The following CNTNAP2 variants were observed in gnomAD, a reference collection of about 807,000 sequenced individuals.
CNTNAP2 encodes contactin-associated protein-like 2.
In CNTNAP2, 98 loss-of-function variants were observed where a neutral mutation model predicts 155.2. The observed-to-expected ratio is 0.63, with a 90% CI of 0.54 to 0.75. The LOEUF (loss-of-function observed/expected upper bound fraction) is 0.75. Ranked by LOEUF, CNTNAP2 falls within the 30% of genes least tolerant of loss-of-function variation. CNTNAP2 has a pLI of 0.00. For missense variants in CNTNAP2, 1,727 were observed against 1,688.1 expected (o/e 1.02, Z -0.40); for synonymous variants, 651 against 631.2 (o/e 1.03, Z -0.47).
chr7:147,536,410 T>C (rs145198739), intron 11 of CNTNAP2, among the ~76,000 whole-genome samples: 187 of 152,272 alleles, frequency 1.2e-3, no homozygotes, highest in African/African-American at 4.3e-3. Flanking sequence ...CTGTGATAAA[T>C]TTCATGAAGA....
intron 1 of CNTNAP2, among the ~76,000 whole-genome samples, chr7:146,128,575 A>G (rs1197720896): frequency 6.6e-6 from 1 of 152,192 alleles, no homozygotes; most frequent in Non-Finnish European, 1.5e-5. Context: ...TAGATAGCCA[A>G]CTAATACCTT....
intron 21 of CNTNAP2, among the ~76,000 whole-genome samples, chr7:148,375,761 G>A (rs183177702): frequency 1.3e-5 from 2 of 149,868 alleles, no homozygotes; most frequent in South Asian, 2.2e-4. Context: ...TTGGGAGGCC[G>A]AGGCAGGTGG....
chr7:148,024,494 T>C (rs1267178235), intron 15 of CNTNAP2, among the ~76,000 whole-genome samples: 1 of 152,164 alleles, frequency 6.6e-6, no homozygotes, highest in Non-Finnish European at 1.5e-5. Context: ...AATAAAGTGC[T>C]TCAGTCCGCT....
chr7:146,822,963 A>G (rs1803319791), intron 2 of CNTNAP2, among the ~76,000 whole-genome samples: 1 of 68,832 alleles, frequency 1.5e-5, no homozygotes. Context: ...TTACATGGAA[A>G]TATACTCATT....
At chr7:147,490,540 A>T (rs1327147125) in intron 11 of CNTNAP2, among the ~76,000 whole-genome samples, 1 of 152,184 alleles carries the variant, frequency 6.6e-6, no homozygotes, top group African/African-American at 2.4e-5. Flanking sequence ...TTCAAAATAA[A>T]TTGAATTCTA....
At position 147,001,277 on chromosome 7, in the gene CNTNAP2, G is replaced by A. The variant is rs540391388; in HGVS notation, c.403-42630G>A. Among the ~76,000 whole-genome samples, 16 of 152,018 alleles carry A rather than the reference G, an allele frequency of 1.1e-4. No individual in the cohort carries two copies. In the South Asian group the frequency reaches 2.1e-3, roughly 20 times the overall value. On this transcript the variant is annotated intron_variant, in intron 3 of 23. Transcript: ENST00000361727. ...AGTTGTCGAAATTGATGTTTCTTCC[G>A]GTGGGTGATCACTGGAGAGTCTTAA... is the stretch of plus-strand genomic sequence containing the variant.
intron 1 of CNTNAP2, among the ~76,000 whole-genome samples, chr7:146,517,179 T>G (rs1797553654): frequency 6.6e-6 from 1 of 151,984 alleles, no homozygotes; most frequent in Non-Finnish European, 1.5e-5. Flanking sequence ...CTGTTTTCAC[T>G]TGGTAAGCAT....
At chr7:147,966,188 A>G (rs1563151382) in intron 14 of CNTNAP2, among the ~76,000 whole-genome samples, 1 of 152,162 alleles carries the variant, frequency 6.6e-6, no homozygotes, top group Non-Finnish European at 1.5e-5. Flanking sequence ...CATCAAGAAG[A>G]AAAAAAGCAA....
intron 10 of CNTNAP2, among the ~76,000 whole-genome samples, chr7:147,417,569 G>A (rs1008421947): frequency 2.6e-5 from 4 of 152,066 alleles, no homozygotes; most frequent in East Asian, 1.9e-4. Context: ...TTCACCTTTT[G>A]CACATTAGAG....
At chr7:146,189,059 A>C (rs1235167678) in intron 1 of CNTNAP2, among the ~76,000 whole-genome samples, 1 of 152,220 alleles carries the variant, frequency 6.6e-6, no homozygotes, top group Non-Finnish European at 1.5e-5. Context: ...TTTAATCACA[A>C]TACTCAGAAA....
chr7:148,291,269 G>C (rs1797184345), intron 21 of CNTNAP2, among the ~76,000 whole-genome samples: 1 of 147,350 alleles, frequency 6.8e-6, no homozygotes, highest in Non-Finnish European at 1.5e-5. Context: ...GGGTTCTCTA[G>C]AGGGACAGAA....
At chr7:148,164,054 C>A (rs952468682) in intron 17 of CNTNAP2, among the ~76,000 whole-genome samples, 4 of 152,156 alleles carry the variant, frequency 2.6e-5, no homozygotes, top group Non-Finnish European at 4.4e-5. Flanking sequence ...CCTGCCACAG[C>A]CTCCCAACAA....
Position 148,409,967 on chromosome 7 carries a change from C to T in CNTNAP2, c.3796+496C>T, listed in dbSNP as rs112665876. Among the ~76,000 whole-genome samples, 2 of 85,286 alleles carry T rather than the reference C, an allele frequency of 2.3e-5. 1 individual carries two copies. Among genetic ancestry groups the T allele is most frequent in the Non-Finnish European group, 4.8e-5 (2 of 41,574 alleles). 56.0% of individuals were successfully genotyped at this position (85,286 alleles called of 152,430 possible). ...TCAGGAGGCTGAGGCAGGAGAATGG[C>T]GTGAACCTGGGAGGCGGAGCTTGCA... On this transcript the variant is annotated intron_variant, in intron 23 of 23. Coordinates refer to ENST00000361727, the MANE Select transcript of CNTNAP2 (RefSeq NM_014141.6).
chr7:148,402,283 C>A (rs961007227), intron 22 of CNTNAP2, among the ~76,000 whole-genome samples: 1 of 151,994 alleles, frequency 6.6e-6, no homozygotes, highest in African/African-American at 2.4e-5. Flanking sequence ...GTCACAATCA[C>A]CTTCCCCTGT....
chr7:146,764,945 T>C (rs1802169114), intron 1 of CNTNAP2, among the ~76,000 whole-genome samples: 1 of 152,148 alleles, frequency 6.6e-6, no homozygotes, highest in Non-Finnish European at 1.5e-5. Flanking sequence ...TCCTATGGTG[T>C]GCCCTACATT....
At chr7:146,550,408 T>TTTTTTTTG (rs1798099598) in intron 1 of CNTNAP2, among the ~76,000 whole-genome samples, 3 of 109,266 alleles carry the variant, frequency 2.7e-5, no homozygotes, top group East Asian at 2.2e-4. Flanking sequence ...TCTGTTTTTT[T>TTTTTTTTG]TTTTTTTTTT....
intron 1 of CNTNAP2, among the ~76,000 whole-genome samples, chr7:146,161,852 A>G (rs1477653073): frequency 6.6e-6 from 1 of 152,210 alleles, no homozygotes; most frequent in African/African-American, 2.4e-5. Context: ...CTCAGAAATA[A>G]TACCACACAT....
chr7:146,630,141 A>T (rs751093327), intron 1 of CNTNAP2, among the ~76,000 whole-genome samples: 37 of 151,926 alleles, frequency 2.4e-4, no homozygotes, highest in Non-Finnish European at 4.9e-4. Flanking sequence ...CTAGCCCCTC[A>T]TTCCTAGACA....
intron 21 of CNTNAP2, among the ~76,000 whole-genome samples, chr7:148,299,683 T>C (rs917045907): frequency 2.0e-5 from 3 of 152,200 alleles, no homozygotes; most frequent in African/African-American, 7.2e-5. Context: ...CCAACCTAAT[T>C]GTTTCACAGA....
Sources: gnomAD v4.1 joint callset for allele counts (sites outside exome capture counted in the v4.1 genomes callset) on GRCh38, gnomAD v4.1.1 for gene constraint, MANE v1.5 for transcripts, NCBI Gene and HGNC (gene_info 2026-07-23, HGNC 2026-07-21) for gene names.